The following ABHD17B variants were observed in gnomAD, a reference collection of about 807,000 sequenced individuals.
ABHD17B encodes alpha/beta hydrolase domain-containing protein 17B.
In ABHD17B, 9 loss-of-function variants were observed where a neutral mutation model predicts 26.2. The observed-to-expected ratio is 0.34, with a 90% CI of 0.21 to 0.60. ABHD17B has a LOEUF of 0.60. Ranked by LOEUF, ABHD17B falls within the 20% of genes least tolerant of loss-of-function variation. ABHD17B has a pLI of 0.80. For synonymous variants in ABHD17B, 127 were observed against 122.3 expected, an observed-to-expected ratio of 1.04 and a Z score of -0.25; for missense variants, 224 against 352.1, an observed-to-expected ratio of 0.64 and a Z score of 2.91.
chr9:71,874,668 G>T lies in ABHD17B; in HGVS notation c.413C>A (p.Thr138Lys), dbSNP rs1826208181. Reference protein sequence around the residue: ...SGYGASSGKPTEKNLYADIEA... With the variant: ...SGYGASSGKPKEKNLYADIEA... ...AATGTCTGCATAGAGGTTCTTCTCT[G>T]TGGGTTTCCCGGAACTGGCACCATA... Residue 138 changes from threonine to lysine, a missense_variant, in exon 2 of 4, where the codon ACA becomes AAA. Coordinates refer to ENST00000333421, the MANE Select transcript of ABHD17B (RefSeq NM_001025780.3). 6.2e-7 allele frequency: 1 copy of T among 1,612,904 alleles called. No homozygotes were observed. Among genetic ancestry groups the T allele is most frequent in the African/African-American group, 1.3e-5 (1 of 74,870 alleles).
chr9:71,864,339 C>T (rs565749390), downstream of ABHD17B, among the ~76,000 whole-genome samples: 413 of 149,964 alleles, frequency 2.8e-3, 6 homozygotes, highest in Middle Eastern at 0.032. Flanking sequence ...CCTGCCTCAG[C>T]CTCCCAAGTA....
chr9:71,899,859 GA>G (rs5898240), intron 1 of ABHD17B, among the ~76,000 whole-genome samples: 1 of 149,328 alleles, frequency 6.7e-6, no homozygotes. Flanking sequence ...GTCCTTACAG[GA>G]AAAAAAAAAC....
In ABHD17B at chr9:71,866,159, AT is replaced by A. The variant is rs1825951121; in HGVS notation, c.*627del. On this transcript the variant is annotated 3_prime_UTR_variant, in exon 4 of 4. Transcript: ENST00000333421. Reference sequence around the variant, plus strand: ...TGACTTCTCATTTACAAGGTAACTCATTGGTAAATTAATAGATGGCATAAAA... The same window carrying A: ...TGACTTCTCATTTACAAGGTAACTCATGGTAAATTAATAGATGGCATAAAA... 1 of 984,410 alleles carries A rather than the reference AT, an allele frequency of 1.0e-6. No homozygotes were observed. Among genetic ancestry groups the A allele is most frequent in the African/African-American group, 1.7e-5 (1 of 57,338 alleles). The allele number at this position is 984,410 out of a possible 1,614,324, so 61.0% of individuals were successfully genotyped here.
At chr9:71,881,277 T>C (rs1173827603) in intron 1 of ABHD17B, among the ~76,000 whole-genome samples, 1 of 152,152 alleles carries the variant, frequency 6.6e-6, no homozygotes, top group Non-Finnish European at 1.5e-5. Context: ...TAGGGCAACA[T>C]AATATCCACA....
intron 1 of ABHD17B, among the ~76,000 whole-genome samples, chr9:71,891,836 C>T (rs1826793479): frequency 6.6e-6 from 1 of 152,154 alleles, no homozygotes; most frequent in Non-Finnish European, 1.5e-5. Context: ...AGATACTTTA[C>T]AAATATTCGA....
chr9:71,900,192 A>C (rs1190862840), intron 1 of ABHD17B, among the ~76,000 whole-genome samples: 2 of 152,376 alleles, frequency 1.3e-5, no homozygotes, highest in East Asian at 3.9e-4. Context: ...CTAGGGTTAT[A>C]TAGAATAAGA....
intron 1 of ABHD17B, 76 bp from the exon 2 acceptor site, chr9:71,875,159 C>T (rs1826229512): frequency 8.7e-7 from 1 of 1,150,786 alleles, no homozygotes; most frequent in Non-Finnish European, 1.2e-6. Flanking sequence ...AAAACACAGA[C>T]ATGGGTAAAT....
intron 3 of ABHD17B, among the ~76,000 whole-genome samples, chr9:71,869,064 GACA>G (rs1200523869): frequency 2.0e-5 from 3 of 152,088 alleles, no homozygotes; most frequent in Non-Finnish European, 4.4e-5. Context: ...GACATAAGTT[GACA>G]ACAACACTGA....
intron 1 of ABHD17B, among the ~76,000 whole-genome samples, chr9:71,900,314 G>T (rs959346614): frequency 6.6e-6 from 1 of 151,970 alleles, no homozygotes; most frequent in Non-Finnish European, 1.5e-5. Flanking sequence ...TTTTCTAGAC[G>T]GCCTACAAGG....
chr9:71,896,254 T>C (rs1173027096), intron 1 of ABHD17B, among the ~76,000 whole-genome samples: 1 of 152,216 alleles, frequency 6.6e-6, no homozygotes, highest in Admixed American at 6.5e-5. Context: ...ATTAACATTC[T>C]CAGCTGTAGA....
intron 3 of ABHD17B, 120 bp downstream of exon 3, chr9:71,869,963 T>C (rs367727200): frequency 1.1e-6 from 1 of 897,946 alleles, no homozygotes. Flanking sequence ...TCATAATTTC[T>C]ATGTGCTAAT....
intron 1 of ABHD17B, among the ~76,000 whole-genome samples, chr9:71,882,345 C>T (rs1034041626): frequency 8.5e-5 from 13 of 152,216 alleles, no homozygotes; most frequent in African/African-American, 2.7e-4. Context: ...CAAATGTACA[C>T]CAGCTGATGA....
intron 1 of ABHD17B, among the ~76,000 whole-genome samples, chr9:71,895,818 C>A (rs1279186878): frequency 6.6e-6 from 1 of 152,094 alleles, no homozygotes; most frequent in Non-Finnish European, 1.5e-5. Context: ...ACTTAATGTG[C>A]CAACAGCTTG....
chr9:71,870,167 A>G lies in ABHD17B; in HGVS notation c.563T>C (p.Val188Ala). 6.2e-7 allele frequency: 1 copy of G among 1,614,148 alleles called. No individual in the cohort carries two copies. Among genetic ancestry groups the G allele is most frequent in the Non-Finnish European group, 8.5e-7 (1 of 1,179,978 alleles). Residue 188 changes from valine to alanine, a missense_variant, in exon 3 of 4, where the codon GTT (valine) becomes GCT (alanine). Physicochemically the swap from Val to Ala is moderately conservative, Grantham distance 64. Coordinates refer to ENST00000333421, the MANE Select transcript of ABHD17B (RefSeq NM_001025780.3). ...CGAAGTCAGAGGAGAATGAAGAATA[A>G]CAGCAGCACTCTCATATCGAGCAGC... ...DLAARYESAA[V>A]ILHSPLTSGM...
intron 1 of ABHD17B, among the ~76,000 whole-genome samples, chr9:71,877,361 A>G (rs1315520497): frequency 6.6e-6 from 1 of 152,248 alleles, no homozygotes; most frequent in African/African-American, 2.4e-5. Flanking sequence ...AAAGCTTAAT[A>G]AGTAAATGGT....
rs184837777 is a variant in ABHD17B, at chr9:71,871,371, A to G, written c.468-1109T>C. On this transcript the variant is annotated intron_variant, in intron 2 of 3. Transcript: ENST00000333421. ...GTCAGTACTACACAAGCATTTGTAT[A>G]GGACACAGAAAGTGGGGCTCTGTCT... Among the ~76,000 whole-genome samples, 187 of 152,340 alleles carry G rather than the reference A, an allele frequency of 1.2e-3. 1 individual carries two copies. The highest frequency in any genetic ancestry group is 4.4e-3 in the African/African-American group (182 of 41,570).
intron 1 of ABHD17B, among the ~76,000 whole-genome samples, chr9:71,892,204 A>C (rs1483868668): frequency 6.6e-6 from 1 of 152,090 alleles, no homozygotes; most frequent in Non-Finnish European, 1.5e-5. Context: ...TAATTTGAAA[A>C]ACTTCAGGTT....
chr9:71,871,886 C>T (rs1880327), intron 2 of ABHD17B, among the ~76,000 whole-genome samples: 122,675 of 152,074 alleles, frequency 0.81, 50,294 homozygotes, highest in East Asian at 0.93. Flanking sequence ...TGCCAGGCCC[C>T]GAGTTTCTTT....
rs900669937 is a variant in ABHD17B at position 71,885,046 on chromosome 9, A to G, written c.-3-9963T>C. On this transcript the variant is annotated intron_variant, in intron 1 of 3. Coordinates refer to ENST00000333421, the MANE Select transcript of ABHD17B (RefSeq NM_001025780.3). The stretch of plus-strand genomic sequence containing the variant: ...ATGAACCTAAGTGGGGGCAGGTGGA[A>G]AAAGCCTTGCAAGTTACTCAAATCA... Among the ~76,000 whole-genome samples, 4 of 152,180 alleles carry G rather than the reference A, an allele frequency of 2.6e-5. No individual in the cohort carries two copies. In the East Asian group the frequency reaches 7.7e-4, roughly 29 times the overall value.
Sources: allele counts gnomAD v4.1 joint callset (sites outside exome capture counted in the v4.1 genomes callset), GRCh38; gene constraint gnomAD v4.1.1; transcripts MANE v1.5; gene names NCBI Gene and HGNC (gene_info 2026-07-23, HGNC 2026-07-21).